ENPP6: variants seen among roughly 807,000 people sequenced by gnomAD.
ENPP6 encodes glycerophosphocholine cholinephosphodiesterase ENPP6.
Under a neutral mutation model 42.0 loss-of-function variants are expected in ENPP6, and 32 were observed. That is an observed-to-expected ratio of 0.76 (90% CI 0.58 to 1.02). The LOEUF is 1.02. Ranked by LOEUF, ENPP6 falls within the 50% of genes least tolerant of loss-of-function variation. The probability of loss-of-function intolerance (pLI) is 0.00; values close to 1 mark genes in which losing one functional copy is unlikely to be tolerated. For synonymous variants in ENPP6, 213 were observed against 216.0 expected (o/e 0.99, Z 0.12); for missense variants, 552 against 566.8 (o/e 0.97, Z 0.27).
chr4:184,172,082 CA>C (rs775087047), intron 1 of ENPP6, among the ~76,000 whole-genome samples: 1 of 151,980 alleles, frequency 6.6e-6, no homozygotes. Flanking sequence ...AGGACACAGC[CA>C]TGGGAAACCC....
intron 1 of ENPP6, among the ~76,000 whole-genome samples, chr4:184,194,172 C>T (rs917766138): frequency 6.6e-6 from 1 of 152,204 alleles, no homozygotes; most frequent in Admixed American, 6.5e-5. Flanking sequence ...CATCTCCGGG[C>T]CTTCGCGGCT....
intron 7 of ENPP6, among the ~76,000 whole-genome samples, chr4:184,095,677 T>C (rs1735889324): frequency 6.6e-6 from 1 of 150,834 alleles, no homozygotes; most frequent in Admixed American, 6.6e-5. Flanking sequence ...TATATCTATA[T>C]ATATATATAG....
At chr4:184,198,230 G>A (rs1178990437) in intron 1 of ENPP6, among the ~76,000 whole-genome samples, 2 of 152,238 alleles carry the variant, frequency 1.3e-5, no homozygotes, top group Non-Finnish European at 2.9e-5. Context: ...AAAAGCCCAG[G>A]CCCTGGCTCT....
intron 2 of ENPP6, among the ~76,000 whole-genome samples, chr4:184,131,814 CACACACACACATAT>C (rs1361411041): frequency 3.1e-4 from 44 of 141,244 alleles, no homozygotes; most frequent in African/African-American, 1.3e-3. Context: ...CACACACACA[CACACACACACATAT>C]ATATATATAT....
At chr4:184,153,866 T>A in intron 1 of ENPP6, 133 bp from the exon 2 acceptor site, 127 of 970,874 alleles carry the variant, frequency 1.3e-4, no homozygotes, top group Non-Finnish European at 1.5e-4. Context: ...CTTTTGACTT[T>A]AAAAAAAAAT....
At chr4:184,132,822 C>CATATATAT (rs1171928624) in intron 2 of ENPP6, among the ~76,000 whole-genome samples, 19 of 120,764 alleles carry the variant, frequency 1.6e-4, no homozygotes, top group Middle Eastern at 4.2e-3. Context: ...CATATATACA[C>CATATATAT]ACACACACAC....
At chr4:184,166,617 G>GA (rs1737352402) in intron 1 of ENPP6, among the ~76,000 whole-genome samples, 1 of 152,208 alleles carries the variant, frequency 6.6e-6, no homozygotes. Context: ...TGCAAAGTTG[G>GA]AAAAGAGCAA....
At position 184,208,872 on chromosome 4, in the gene ENPP6, C is replaced by T. The variant is rs549839940; in HGVS notation, c.241+8707G>A. ...TTGAAGAGAGCAGTGGTTCTCCCAG[C>T]ACGCAGCTGGAGATCTGAGAACGGG... On this transcript the variant is annotated intron_variant, in intron 1 of 7. Coordinates refer to ENST00000296741, the MANE Select transcript of ENPP6 (RefSeq NM_153343.4). 1.6e-4 allele frequency among the ~76,000 whole-genome samples: 23 copies of T among 143,184 alleles called. No homozygotes were observed. In the East Asian group the frequency reaches 2.4e-3, roughly 15 times the overall value. 93.9% of individuals were successfully genotyped at this position (143,184 alleles called of 152,430 possible).
chr4:184,130,057 T>A (rs951075834), intron 2 of ENPP6, among the ~76,000 whole-genome samples: 5 of 152,186 alleles, frequency 3.3e-5, no homozygotes, highest in African/African-American at 1.2e-4. Flanking sequence ...GACTTAGAAG[T>A]GGCATTGAGA....
chr4:184,137,128 G>A (rs766061452), intron 2 of ENPP6, among the ~76,000 whole-genome samples: 19 of 152,218 alleles, frequency 1.2e-4, no homozygotes, highest in African/African-American at 3.6e-4. Flanking sequence ...ATGGAGTCTC[G>A]CTCTGTCACC....
At chr4:184,138,864 C>T (rs547608795) in intron 2 of ENPP6, among the ~76,000 whole-genome samples, 28 of 152,282 alleles carry the variant, frequency 1.8e-4, no homozygotes, top group Admixed American at 1.8e-3. Flanking sequence ...AGGTTATCCC[C>T]CAACTAAAGC....
At chr4:184,202,011 AGGAAGT>A (rs1732912117) in intron 1 of ENPP6, among the ~76,000 whole-genome samples, 1 of 152,204 alleles carries the variant, frequency 6.6e-6, no homozygotes, top group Non-Finnish European at 1.5e-5. Context: ...GCAGTGAGAT[AGGAAGT>A]CCATTTACTG....
intron 4 of ENPP6, 21 bp downstream of exon 4, chr4:184,117,738 C>T (rs115181649): frequency 4.4e-5 from 71 of 1,611,200 alleles, no homozygotes; most frequent in African/African-American, 4.0e-4. Context: ...GGCCAGGCCA[C>T]GTGTCTTTGC....
intron 2 of ENPP6, among the ~76,000 whole-genome samples, chr4:184,138,719 A>G (rs998137947): frequency 2.0e-5 from 3 of 152,200 alleles, no homozygotes; most frequent in Non-Finnish European, 4.4e-5. Context: ...AGACTCCTGA[A>G]CTCAGAAACT....
chr4:184,127,849 G>C (rs1165234086), intron 2 of ENPP6, among the ~76,000 whole-genome samples: 2 of 152,184 alleles, frequency 1.3e-5, no homozygotes, highest in Non-Finnish European at 2.9e-5. Context: ...TGTATACTTA[G>C]CATTTTTAAA....
chr4:184,178,633 C>T (rs1047570083), intron 1 of ENPP6, among the ~76,000 whole-genome samples: 1 of 152,150 alleles, frequency 6.6e-6, no homozygotes, highest in Admixed American at 6.5e-5. Flanking sequence ...AGAGAAAGTC[C>T]AGGTCACCTA....
chr4:184,139,194 A>G (rs188851607), intron 2 of ENPP6, among the ~76,000 whole-genome samples: 261 of 152,356 alleles, frequency 1.7e-3, no homozygotes, highest in Non-Finnish European at 9.0e-4. Flanking sequence ...TCTAATGTTA[A>G]AACCCAGAGT....
chr4:184,187,837 G>A (rs1000908780), intron 1 of ENPP6, among the ~76,000 whole-genome samples: 2 of 152,164 alleles, frequency 1.3e-5, no homozygotes, highest in Non-Finnish European at 2.9e-5. Context: ...TCCATAGAAG[G>A]TGAGAGATAC....
At chr4:184,126,552 A>T (rs902262368) in intron 2 of ENPP6, among the ~76,000 whole-genome samples, 22 of 152,214 alleles carry the variant, frequency 1.4e-4, no homozygotes, top group Admixed American at 6.5e-5. Flanking sequence ...CAAACTCTTC[A>T]CTGAGTGCAA....
Sources: allele counts gnomAD v4.1 joint callset (sites outside exome capture counted in the v4.1 genomes callset), GRCh38; gene constraint gnomAD v4.1.1; transcripts MANE v1.5; gene names NCBI Gene and HGNC (gene_info 2026-07-23, HGNC 2026-07-21).